The following LDHD variants were observed in gnomAD, a reference collection of about 807,000 sequenced individuals.
LDHD encodes lactate dehydrogenase D, also known as D-lactate dehydrogenase, mitochondrial.
Under a neutral mutation model 52.9 loss-of-function variants are expected in LDHD, and 58 were observed. The ratio of observed to expected loss-of-function variants is 1.10; its 90% CI spans 0.89 to 1.36. The LOEUF (loss-of-function observed/expected upper bound fraction) is 1.36. LDHD is among the 40% of genes most tolerant of loss of function. LDHD has a pLI of 0.00. For missense variants in LDHD, 747 were observed against 668.0 expected (o/e 1.12, Z -1.30); for synonymous variants, 350 against 288.6 (o/e 1.21, Z -2.16).
rs748834241 is a variant in LDHD, at chr16:75,113,830, G to C, written c.870C>G (p.Tyr290Ter). 2 of 1,613,972 alleles carry C rather than the reference G, an allele frequency of 1.2e-6. No homozygotes were observed. Among genetic ancestry groups the C allele is most frequent in the African/African-American group, 2.7e-5 (2 of 74,926 alleles). ...DEVMMDACNR[Y>*]SKLNCLVAPT... The stretch of plus-strand genomic sequence containing the variant: ...GCGCCACTAAGCAATTCAGCTTGCT[G>C]TACCTGTTGCAGGCATCCATCATGA... Residue 290 changes from tyrosine (Y) to a stop codon, truncating the protein, a stop_gained, in exon 7 of 11, where the codon TAC becomes TAG. Transcript: ENST00000450168. LOFTEE classifies it high-confidence loss of function.
At chr16:75,113,383 C>G (rs185641185) in intron 8 of LDHD, 152 bp downstream of exon 8, 13 of 867,830 alleles carry the variant, frequency 1.5e-5, no homozygotes, top group Non-Finnish European at 2.3e-5. Flanking sequence ...CTGGGTGGGG[C>G]GGTCTGCAGC....
At position 75,112,485 on chromosome 16, in the gene LDHD, C is replaced by T. The variant is rs1316334655; in HGVS notation, c.1326G>A (p.Glu442=). The change falls in exon 11 of 11, where the codon GAG becomes GAA. Residue 442 remains glutamate (E), a synonymous_variant. Transcript: ENST00000450168. ...GCCGCTTGCCCATTCCGATGCCATG[C>T]TCCCCCGTGCACGTTCCGTGGAGAG... ...ALALHGTCTG[E]HGIGMGKRQL... is the part of the protein sequence containing the mutation. 5 of 1,613,332 alleles carry T rather than the reference C, an allele frequency of 3.1e-6. No homozygotes were observed. In the Admixed American group the frequency reaches 6.7e-5, roughly 22 times the overall value.
At position 75,116,627 on chromosome 16, in the gene LDHD, G is replaced by C. The variant is rs201835436; in HGVS notation, c.72+22C>G. 183 of 1,596,802 alleles carry C rather than the reference G, an allele frequency of 1.1e-4. No homozygotes were observed. The African/African-American group carries it at 2.2e-3, about 19-fold the overall frequency. On this transcript the variant is annotated intron_variant, in intron 1 of 10. Coordinates refer to ENST00000450168, the MANE Select transcript of LDHD (RefSeq NM_194436.3). ...CGCTCCCCACCTCATCCCTCCAGAG[G>C]ACTTCTCTTCTCTCCCGGTACCTTT...
rs777245334 is a variant in LDHD at position 75,112,898 on chromosome 16, G to C, written c.1113C>G (p.Pro371=). Residue 371 remains proline, a synonymous_variant, in exon 9 of 11, where the codon CCC becomes CCG. Coordinates refer to ENST00000450168, the MANE Select transcript of LDHD (RefSeq NM_194436.3). The part of the protein sequence containing the change: ...CKGYSTDVCV[P]ISRLPEIVVQ... ...CCACGATCTCCGGCAGCCGGGAGATGGGCACACACACATCCGTGGAGTAGC... is the reference window on the plus strand; with the variant it reads ...CCACGATCTCCGGCAGCCGGGAGATCGGCACACACACATCCGTGGAGTAGC... 1 of 1,612,430 alleles carries C rather than the reference G, an allele frequency of 6.2e-7. No individual in the cohort carries two copies. Among genetic ancestry groups the C allele is most frequent in the South Asian group, 1.1e-5 (1 of 91,050 alleles).
chr16:75,113,680 G>A lies in LDHD; in HGVS notation c.959-18C>T. The A allele has an allele frequency of 6.2e-7, 1 of 1,612,992 alleles. No individual in the cohort carries two copies. The highest frequency in any genetic ancestry group is 8.5e-7 in the Non-Finnish European group (1 of 1,179,560). On this transcript the variant is annotated intron_variant, in intron 7 of 10. Coordinates refer to ENST00000450168, the MANE Select transcript of LDHD (RefSeq NM_194436.3). ...TATCTCCTCTGCAGTTGGGGAAGGG[G>A]GGCTGACACCGGGCCGCCACTGAGG...
intron 9 of LDHD, 34 bp downstream of exon 9, chr16:75,112,800 C>T: frequency 6.2e-7 from 1 of 1,600,938 alleles, no homozygotes; most frequent in East Asian, 2.2e-5. Flanking sequence ...CCTGACACCT[C>T]CCCACCTCTC....
intron 1 of LDHD, among the ~76,000 whole-genome samples, 194 bp from the exon 2 acceptor site, chr16:75,115,854 A>C (rs1597925542): frequency 6.6e-6 from 1 of 152,174 alleles, no homozygotes; most frequent in Non-Finnish European, 1.5e-5. Flanking sequence ...TTTTCCAAAC[A>C]GAGCCATTGG....
Position 75,115,613 on chromosome 16 carries a change from G to A in LDHD, c.120C>T (p.Gly40=), listed in dbSNP as rs750194857. ...CCGCGGCAGTGGACACGTGGGAGCC[G>A]CCCACCACGGCCTTCAGAGCCTCTA... The part of the protein sequence containing the change: ...DFVEALKAVV[G]GSHVSTAAVV... Residue 40 remains glycine, a synonymous_variant, in exon 2 of 11, where the codon GGC becomes GGT. Transcript: ENST00000450168. 22 of 1,612,144 alleles carry A rather than the reference G, an allele frequency of 1.4e-5. No homozygotes were observed. The South Asian group carries it at 2.2e-4, about 16-fold the overall frequency.
chr16:75,114,219 T>C, intron 5 of LDHD, 54 bp from the exon 6 acceptor site: 2 of 1,599,898 alleles, frequency 1.3e-6, no homozygotes, highest in Non-Finnish European at 1.7e-6. Flanking sequence ...GAGGGATTTC[T>C]GGCCAGAAGC....
Position 75,112,914 on chromosome 16 carries a change from G to C in LDHD, c.1097C>G (p.Thr366Arg). Residue 366 changes from threonine to arginine, a missense_variant, in exon 9 of 11, where the codon ACG (threonine) becomes AGG (arginine). Coordinates refer to ENST00000450168, the MANE Select transcript of LDHD (RefSeq NM_194436.3). Reference protein sequence around the residue: ...ATRPGCKGYSTDVCVPISRLP... With the variant: ...ATRPGCKGYSRDVCVPISRLP... The stretch of plus-strand genomic sequence containing the variant: ...CCGGGAGATGGGCACACACACATCC[G>C]TGGAGTAGCCCTGGTCAGAGGGAAG... 1.9e-6 allele frequency: 3 copies of C among 1,611,298 alleles called. No individual in the cohort carries two copies. The highest frequency in any genetic ancestry group is 2.5e-6 in the Non-Finnish European group (3 of 1,179,630).
intron 5 of LDHD, 67 bp downstream of exon 5, chr16:75,114,459 T>C (rs1480417039): frequency 2.8e-6 from 4 of 1,417,440 alleles, no homozygotes; most frequent in Non-Finnish European, 2.8e-6. Flanking sequence ...CACAGCCCGG[T>C]CTCTGCAGGG....
Position 75,111,950 on chromosome 16 carries a change from C to T in LDHD, c.*406G>A. On this transcript the variant is annotated 3_prime_UTR_variant, in exon 11 of 11. Transcript: ENST00000450168. ...CATCATGTCACGGGAGCTCACGTTC[C>T]ATACCAGGAAAGGAGTGTTCCTGTC... is the stretch of plus-strand genomic sequence containing the variant. 1 of 174,518 alleles carries T rather than the reference C, an allele frequency of 5.7e-6. No homozygotes were observed. The highest frequency in any genetic ancestry group is 1.2e-5 in the Non-Finnish European group (1 of 82,744). The allele number at this position is 174,518 out of a possible 1,614,324, so 10.8% of individuals were successfully genotyped here.
chr16:75,112,518 C>A lies in LDHD; in HGVS notation c.1293G>T (p.Arg431=), dbSNP rs757694746. ...VKAFAEQLGR[R]ALALHGTCTG... is the part of the protein sequence containing the mutation. ...TGCACGTTCCGTGGAGAGCCAGTGC[C>A]CGCCTGGGGGCAGGAAGGAGACATC... is the stretch of plus-strand genomic sequence containing the variant. The change falls in exon 11 of 11, where the codon CGG becomes CGT. Residue 431 remains arginine, a synonymous_variant. Transcript: ENST00000450168. 10 of 1,613,150 alleles carry A rather than the reference C, an allele frequency of 6.2e-6. No homozygotes were observed. Among genetic ancestry groups the A allele is most frequent in the Admixed American group, 1.7e-5 (1 of 60,010 alleles).
In LDHD at chr16:75,114,127, A is replaced by T; in HGVS notation, c.668T>A (p.Val223Glu). The T allele has an allele frequency of 6.2e-7, 1 of 1,612,818 alleles. No homozygotes were observed. Among genetic ancestry groups the T allele is most frequent in the Non-Finnish European group, 8.5e-7 (1 of 1,179,994 alleles). The change falls in exon 6 of 11, where the codon GTG becomes GAG. Residue 223 changes from valine (V) to glutamate (E), a missense_variant. Physicochemically the swap from Val to Glu is moderately radical, Grantham distance 121. Transcript: ENST00000450168. The stretch of plus-strand genomic sequence containing the variant: ...GAGGCCCAGCGTCCCCTCGGAGCCC[A>T]CGAAGAGCCCCGTGAGGTTGTAGCC... ...AAGYNLTGLF[V>E]GSEGTLGLIT...
Position 75,114,915 on chromosome 16 carries a change from C to G in LDHD, c.381G>C (p.Gln127His), listed in dbSNP as rs374576808. 95 of 1,613,904 alleles carry G rather than the reference C, an allele frequency of 5.9e-5. No individual in the cohort carries two copies. The highest frequency in any genetic ancestry group is 7.7e-5 in the Non-Finnish European group (91 of 1,180,010). The change falls in exon 4 of 11, where the codon CAG becomes CAC. Residue 127 changes from glutamine (Q) to histidine (H), a missense_variant. Coordinates refer to ENST00000450168, the MANE Select transcript of LDHD (RefSeq NM_194436.3). Reference sequence around the variant, plus strand: ...GCTCCACCACCACAGAGAAGTCCTCCTGGTTCAGCTCCAGGATTCGGTCCA... The same window carrying G: ...GCTCCACCACCACAGAGAAGTCCTCGTGGTTCAGCTCCAGGATTCGGTCCA... ...THMDRILELN[Q>H]EDFSVVVEPG...
chr16:75,115,043 G>T, intron 3 of LDHD, 75 bp from the exon 4 acceptor site: 1 of 1,552,196 alleles, frequency 6.4e-7, no homozygotes, highest in Non-Finnish European at 8.7e-7. Context: ...CACACCCCGC[G>T]GGTGTCCCCC....
chr16:75,114,463 T>G, intron 5 of LDHD, 63 bp downstream of exon 5: 2 of 1,437,546 alleles, frequency 1.4e-6, no homozygotes, highest in Non-Finnish European at 1.8e-6. Flanking sequence ...GCCCGGTCTC[T>G]GCAGGGCAGC....
rs1275221707 is a variant in LDHD, at chr16:75,114,985, C to G, written c.328-17G>C. ...GACGCCGCCCTGGTTGGGGCAGGTGCTAAGACCACTGCAGACCTGGGTCTC... is the reference window on the plus strand; with the variant it reads ...GACGCCGCCCTGGTTGGGGCAGGTGGTAAGACCACTGCAGACCTGGGTCTC... On this transcript the variant is annotated splice_polypyrimidine_tract_variant and intron_variant, in intron 3 of 10. Transcript: ENST00000450168. The G allele has an allele frequency of 6.2e-7, 1 of 1,602,774 alleles. No homozygotes were observed. The highest frequency in any genetic ancestry group is 8.5e-7 in the Non-Finnish European group (1 of 1,174,740).
intron 1 of LDHD, 59 bp from the exon 2 acceptor site, chr16:75,115,719 GC>G: frequency 1.8e-6 from 2 of 1,114,052 alleles, no homozygotes; most frequent in Non-Finnish European, 2.6e-6. Context: ...CCACAGCCCT[GC>G]CCCAGTGTCG....
Sources: allele counts gnomAD v4.1 joint callset (sites outside exome capture counted in the v4.1 genomes callset), GRCh38; gene constraint gnomAD v4.1.1; transcripts MANE v1.5; gene names NCBI Gene and HGNC (gene_info 2026-07-23, HGNC 2026-07-21).